Variants in OAT observed in about 807,000 individuals in gnomAD.
OAT encodes the protein ornithine aminotransferase, mitochondrial.
A neutral mutation model predicts 48.4 loss-of-function variants in OAT; 35 were observed. That is an observed-to-expected ratio of 0.72 (90% CI 0.55 to 0.96). The LOEUF (loss-of-function observed/expected upper bound fraction) is 0.96, where lower values mean the gene tolerates loss of function less well. Ranked by LOEUF, OAT falls within the 40% of genes least tolerant of loss-of-function variation. The pLI is 0.00. For missense variants in OAT, 438 were observed against 537.9 expected, an observed-to-expected ratio of 0.81 and a Z score of 1.84; for synonymous variants, 182 against 198.4, an observed-to-expected ratio of 0.92 and a Z score of 0.70.
In OAT at chr10:124,403,853, A is replaced by C. The variant is rs1274066603; in HGVS notation, c.716T>G (p.Val239Gly). 1.2e-6 allele frequency: 2 copies of C among 1,614,074 alleles called. No homozygotes were observed. The highest frequency in any genetic ancestry group is 1.7e-6 in the Non-Finnish European group (2 of 1,180,018). ...VEPIQGEAGVVVPDPGYLMGV... is the reference protein window; with the variant it reads ...VEPIQGEAGVGVPDPGYLMGV... The stretch of plus-strand genomic sequence containing the variant: ...CATTAGGTAACCTGGATCCGGAACA[A>C]CAACGCCTGCTTCACCCTGAATTGG... The change falls in exon 6 of 10, where the codon GTT (valine) becomes GGT (glycine). Residue 239 changes from valine (V) to glycine (G), a missense_variant. By Grantham distance (109) the Val-to-Gly change is moderately radical. Transcript: ENST00000368845.
rs1032881888 is a variant in OAT, at chr10:124,400,944, A to G, written c.1055T>C (p.Leu352Ser). The change falls in exon 9 of 10, where the codon TTG becomes TCG. Residue 352 changes from leucine (L) to serine (S), a missense_variant. Coordinates refer to ENST00000368845, the MANE Select transcript of OAT (RefSeq NM_000274.4). ...EENLAENADKLGIILRNELMK... is the reference protein window; with the variant it reads ...EENLAENADKSGIILRNELMK... ...GAGTTCATTTCTCAAGATAATGCCCAATTTGTCTGCATTTTCAGCAAGGTT... is the reference window on the plus strand; with the variant it reads ...GAGTTCATTTCTCAAGATAATGCCCGATTTGTCTGCATTTTCAGCAAGGTT... The G allele has an allele frequency of 6.2e-7, 1 of 1,611,444 alleles. No individual in the cohort carries two copies. Among genetic ancestry groups the G allele is most frequent in the Non-Finnish European group, 8.5e-7 (1 of 1,178,758 alleles).
Position 124,418,913 on chromosome 10 carries a change from T to C in OAT, c.-70A>G, listed in dbSNP as rs1296934687. Reference sequence around the variant, plus strand: ...GACAACCGGGTACACGCGGCGTCTATGAAGCGCAACAGTGACGCCGGAGAG... The same window carrying C: ...GACAACCGGGTACACGCGGCGTCTACGAAGCGCAACAGTGACGCCGGAGAG... On this transcript the variant is annotated 5_prime_UTR_variant, in exon 1 of 10. Coordinates refer to ENST00000368845, the MANE Select transcript of OAT (RefSeq NM_000274.4). The C allele has an allele frequency of 1.3e-5, 2 of 152,328 alleles. No individual in the cohort carries two copies. The highest frequency in any genetic ancestry group is 2.1e-4 in the South Asian group (1 of 4,824). The allele number at this position is 152,328 out of a possible 1,614,324, so 9.4% of individuals were successfully genotyped here.
rs1171989360 is a variant in OAT at position 124,412,055 on chromosome 10, G to A, written c.117C>T (p.Thr39=). The stretch of plus-strand genomic sequence containing the variant: ...ATTCCCTTTCAAAAATGTCATCAGA[G>A]GTTGGAGGGCCTTGGACTGTTTTTT... The part of the protein sequence containing the change: ...ATKKTVQGPP[T]SDDIFEREYK... Residue 39 remains threonine (T), a synonymous_variant, in exon 2 of 10, where the codon ACC becomes ACT. Transcript: ENST00000368845. The A allele has an allele frequency of 1.2e-6, 2 of 1,614,180 alleles. No homozygotes were observed. Among genetic ancestry groups the A allele is most frequent in the Non-Finnish European group, 1.7e-6 (2 of 1,180,034 alleles).
At chr10:124,412,883 A>G (rs1951801621) in intron 1 of OAT, among the ~76,000 whole-genome samples, 1 of 152,214 alleles carries the variant, frequency 6.6e-6, no homozygotes, top group Non-Finnish European at 1.5e-5. Context: ...TTTGTTAAGC[A>G]CCTACCACAG....
At chr10:124,403,573 A>T (rs564836067) in intron 6 of OAT, among the ~76,000 whole-genome samples, 4 of 152,248 alleles carry the variant, frequency 2.6e-5, no homozygotes, top group Non-Finnish European at 5.9e-5. Context: ...CACAGGGCCC[A>T]GGACAAGGCC....
At chr10:124,404,631 C>T (rs1589703912) in intron 5 of OAT, among the ~76,000 whole-genome samples, 2 of 152,162 alleles carry the variant, frequency 1.3e-5, no homozygotes, top group South Asian at 4.1e-4. Context: ...CCCTATGCTG[C>T]CCAGGCTGGT....
In OAT at chr10:124,400,979, T is replaced by G; in HGVS notation, c.1020A>C (p.Leu340Phe). The G allele has an allele frequency of 1.2e-6, 2 of 1,610,156 alleles. No homozygotes were observed. The highest frequency in any genetic ancestry group is 1.7e-6 in the Non-Finnish European group (2 of 1,177,398). The change falls in exon 9 of 10, where the codon TTA (leucine) becomes TTC (phenylalanine). Residue 340 changes from leucine to phenylalanine, a missense_variant. By Grantham distance (22) the Leu-to-Phe change is conservative. Transcript: ENST00000368845. ...CRVAIAALEVLEEENLAENAD... is the reference protein window; with the variant it reads ...CRVAIAALEVFEEENLAENAD... Reference sequence around the variant, plus strand: ...CATTTTCAGCAAGGTTTTCTTCTTCTAAAACCTACGTTTAAAGAAAAATTA... The same window carrying G: ...CATTTTCAGCAAGGTTTTCTTCTTCGAAAACCTACGTTTAAAGAAAAATTA...
At chr10:124,406,167 AG>A (rs1257745275) in intron 4 of OAT, 11 of 952,116 alleles carry the variant, frequency 1.2e-5, no homozygotes, top group Non-Finnish European at 1.4e-5. Flanking sequence ...AAGGTGACTG[AG>A]GATCTACTAT....
Sources: gnomAD v4.1 joint callset for allele counts (sites outside exome capture counted in the v4.1 genomes callset) on GRCh38, gnomAD v4.1.1 for gene constraint, MANE v1.5 for transcripts, NCBI Gene and HGNC (gene_info 2026-07-23, HGNC 2026-07-21) for gene names.